Variants in MKLN1 observed in about 807,000 individuals in gnomAD.
The protein encoded by MKLN1 is muskelin 1, also known as muskelin.
MKLN1 carries 18 observed loss-of-function variants against 99.0 expected under a neutral mutation model. The ratio of observed to expected loss-of-function variants is 0.18; its 90% CI spans 0.13 to 0.27. The LOEUF is 0.27. Ranked by LOEUF, MKLN1 falls within the 10% of genes least tolerant of loss-of-function variation. The probability of loss-of-function intolerance (pLI) is 1.00; values close to 1 mark genes in which losing one functional copy is unlikely to be tolerated. For synonymous variants in MKLN1, 288 were observed against 293.2 expected, an observed-to-expected ratio of 0.98 and a Z score of 0.18; for missense variants, 621 against 875.9, an observed-to-expected ratio of 0.71 and a Z score of 3.67.
At chr7:131,160,343 T>C (rs1329380950) in intron 2 of MKLN1, among the ~76,000 whole-genome samples, 1 of 152,054 alleles carries the variant, frequency 6.6e-6, no homozygotes, top group Non-Finnish European at 1.5e-5. Context: ...TGGTTTCCAT[T>C]TCTTGGCTAT....
chr7:131,189,541 A>C (rs1796503654), intron 2 of MKLN1, among the ~76,000 whole-genome samples: 1 of 130,912 alleles, frequency 7.6e-6, no homozygotes, highest in African/African-American at 2.7e-5. Context: ...CAAACAAAAA[A>C]AAAAACACAA....
At chr7:131,310,968 T>C (rs1202468131) in intron 3 of MKLN1, among the ~76,000 whole-genome samples, 1 of 152,104 alleles carries the variant, frequency 6.6e-6, no homozygotes, top group African/African-American at 2.4e-5. Context: ...AAAAAAGTTT[T>C]CTTGACTCTG....
At chr7:131,113,041 A>G (rs1584767299) in intron 1 of MKLN1, among the ~76,000 whole-genome samples, 1 of 152,298 alleles carries the variant, frequency 6.6e-6, no homozygotes, top group African/African-American at 2.4e-5. Context: ...AAAGATGAAT[A>G]AGACACAGTT....
intron 3 of MKLN1, among the ~76,000 whole-genome samples, chr7:131,273,677 T>C (rs1797920578): frequency 1.3e-5 from 2 of 149,706 alleles, no homozygotes; most frequent in Admixed American, 1.4e-4. Context: ...CAGGCTGGAG[T>C]GCAGTGGCAT....
At chr7:131,126,052 T>A (rs2398756) in intron 1 of MKLN1, among the ~76,000 whole-genome samples, 10 of 16,868 alleles carry the variant, frequency 5.9e-4, no homozygotes, top group African/African-American at 1.5e-3. Flanking sequence ...ATAAATAAAT[T>A]AATTAATTAA....
At chr7:131,233,429 T>A (rs1283170889) in intron 3 of MKLN1, among the ~76,000 whole-genome samples, 1 of 151,072 alleles carries the variant, frequency 6.6e-6, no homozygotes, top group Non-Finnish European at 1.5e-5. Flanking sequence ...ATATTTTGCG[T>A]CATGACAGGG....
In MKLN1 at chr7:131,298,443, A is replaced by AT. The variant is rs1018615919; in HGVS notation, c.-178-76974dup. 2.0e-5 allele frequency among the ~76,000 whole-genome samples: 3 copies of AT among 152,210 alleles called. No individual in the cohort carries two copies. The East Asian group carries it at 5.8e-4, about 29-fold the overall frequency. On this transcript the variant is annotated intron_variant, in intron 3 of 7. Coordinates refer to the MKLN1 transcript ENST00000416992. The stretch of plus-strand genomic sequence containing the variant: ...AGAGGACAGCCTCTATCTGGGGAAC[A>AT]TTTTTTTGTTCTCAGTGAAGTGGCA...
At chr7:131,146,998 T>A (rs1175985985) in intron 2 of MKLN1, among the ~76,000 whole-genome samples, 1 of 152,168 alleles carries the variant, frequency 6.6e-6, no homozygotes, top group Non-Finnish European at 1.5e-5. Flanking sequence ...AGGAAATGAT[T>A]CTGCTAGGTT....
chr7:131,365,649 A>G (rs535736187), intron 1 of MKLN1, among the ~76,000 whole-genome samples: 1 of 152,114 alleles, frequency 6.6e-6, no homozygotes, highest in South Asian at 2.1e-4. Flanking sequence ...TCCAGCCTCG[A>G]TCTTTTGCAT....
chr7:131,145,309 C>T (rs370406036), intron 2 of MKLN1, among the ~76,000 whole-genome samples: 29 of 152,054 alleles, frequency 1.9e-4, no homozygotes, highest in East Asian at 1.5e-3. Context: ...TGAGTGGGGG[C>T]GAGGTGGCTT....
intron 3 of MKLN1, among the ~76,000 whole-genome samples, chr7:131,320,515 A>G (rs1798755834): frequency 1.3e-5 from 2 of 152,248 alleles, no homozygotes; most frequent in African/African-American, 4.8e-5. Flanking sequence ...GGACATAGGC[A>G]TGGGCAAAGA....
chr7:131,246,622 C>T (rs1797493486), intron 3 of MKLN1, among the ~76,000 whole-genome samples: 1 of 151,336 alleles, frequency 6.6e-6, no homozygotes, highest in Non-Finnish European at 1.5e-5. Context: ...ATCCCCCTTC[C>T]TCCAATAAAG....
intron 3 of MKLN1, among the ~76,000 whole-genome samples, chr7:131,227,376 CTTTCTTTTTT>C (rs1002804934): frequency 1.3e-5 from 2 of 148,402 alleles, no homozygotes; most frequent in Non-Finnish European, 3.0e-5. Flanking sequence ...CTTTCTTTTT[CTTTCTTTTTT>C]TTCTTTCTTT....
In MKLN1 at chr7:131,397,233, T is replaced by G. The variant is rs771425754; in HGVS notation, c.401-34T>G. ...AAGTTTTATTTGAACTGTGTTAATA[T>G]TTTTCTTCTTCTTTTTGTTTTTTCT... On this transcript the variant is annotated intron_variant, in intron 4 of 17. Transcript: ENST00000352689. 5 of 1,356,094 alleles carry G rather than the reference T, an allele frequency of 3.7e-6. No homozygotes were observed. The South Asian group carries it at 4.8e-5, about 13-fold the overall frequency. 84.0% of individuals were successfully genotyped at this position (1,356,094 alleles called of 1,614,324 possible).
chr7:131,435,451 A>G (rs768665023), intron 9 of MKLN1, among the ~76,000 whole-genome samples: 49 of 152,238 alleles, frequency 3.2e-4, no homozygotes, highest in Non-Finnish European at 5.0e-4. Flanking sequence ...GTGGATAAAC[A>G]GTAGAGTTTT....
At chr7:131,297,564 C>A (rs1219147662) in intron 3 of MKLN1, among the ~76,000 whole-genome samples, 2 of 151,830 alleles carry the variant, frequency 1.3e-5, no homozygotes, top group East Asian at 3.9e-4. Flanking sequence ...TATATAGGGG[C>A]CTTAGAACCA....
intron 5 of MKLN1, 58 bp from the exon 6 acceptor site, chr7:131,399,183 T>G: frequency 1.4e-6 from 2 of 1,409,270 alleles, no homozygotes; most frequent in Non-Finnish European, 2.0e-6. Context: ...TGTTATTGTT[T>G]CCTACAGTAT....
At chr7:131,197,275 C>G (rs1255910597) in intron 2 of MKLN1, among the ~76,000 whole-genome samples, 1 of 151,794 alleles carries the variant, frequency 6.6e-6, no homozygotes, top group Non-Finnish European at 1.5e-5. Flanking sequence ...ACAGTCATGG[C>G]TCTCTGCAGC....
At chr7:131,365,277 T>C (rs1166198081) in intron 1 of MKLN1, among the ~76,000 whole-genome samples, 1 of 152,212 alleles carries the variant, frequency 6.6e-6, no homozygotes, top group East Asian at 1.9e-4. Flanking sequence ...TGTCTGTTCA[T>C]ATCCTTTGCC....
Sources: gnomAD v4.1 joint callset for allele counts (sites outside exome capture counted in the v4.1 genomes callset) on GRCh38, gnomAD v4.1.1 for gene constraint, MANE v1.5 for transcripts, NCBI Gene and HGNC (gene_info 2026-07-23, HGNC 2026-07-21) for gene names.